SSBP2: variants seen among roughly 807,000 people sequenced by gnomAD.
The protein encoded by SSBP2 is single stranded DNA binding protein 2, also known as single-stranded DNA-binding protein 2.
Under a neutral mutation model 61.8 loss-of-function variants are expected in SSBP2, and 17 were observed. The observed-to-expected ratio is 0.28, with a 90% CI of 0.19 to 0.41. The LOEUF (loss-of-function observed/expected upper bound fraction) is 0.41, where lower values mean the gene tolerates loss of function less well. Ranked by LOEUF, SSBP2 falls within the 10% of genes least tolerant of loss-of-function variation. SSBP2 has a pLI of 1.00. For missense variants in SSBP2, 310 were observed against 458.7 expected (o/e 0.68, Z 2.96); for synonymous variants, 139 against 141.3 (o/e 0.98, Z 0.12).
At chr5:81,544,588 G>T (rs947176722) in intron 4 of SSBP2, among the ~76,000 whole-genome samples, 1 of 152,124 alleles carries the variant, frequency 6.6e-6, no homozygotes, top group Admixed American at 6.5e-5. Context: ...TGTTTAAAAG[G>T]AATCATTGTG....
At chr5:81,594,415 C>G (rs1743486585) in intron 4 of SSBP2, among the ~76,000 whole-genome samples, 1 of 152,146 alleles carries the variant, frequency 6.6e-6, no homozygotes, top group Non-Finnish European at 1.5e-5. Flanking sequence ...ACCCCACTGT[C>G]AACATTAGAC....
chr5:81,594,103 C>G (rs541530295), intron 4 of SSBP2, among the ~76,000 whole-genome samples: 1 of 152,044 alleles, frequency 6.6e-6, no homozygotes, highest in Non-Finnish European at 1.5e-5. Flanking sequence ...ACCCATCTCA[C>G]GTGAAGAGAC....
At chr5:81,583,527 G>C (rs994221047) in intron 4 of SSBP2, among the ~76,000 whole-genome samples, 1 of 151,806 alleles carries the variant, frequency 6.6e-6, no homozygotes, top group Non-Finnish European at 1.5e-5. Flanking sequence ...CTACTGGAGA[G>C]GCTGAGGCAG....
At chr5:81,572,419 T>C (rs1773905847) in intron 4 of SSBP2, among the ~76,000 whole-genome samples, 1 of 152,154 alleles carries the variant, frequency 6.6e-6, no homozygotes, top group African/African-American at 2.4e-5. Flanking sequence ...TGGAAAGGCA[T>C]GCCAAAAAAC....
chr5:81,668,222 T>G (rs927521216), intron 1 of SSBP2, among the ~76,000 whole-genome samples: 2 of 125,088 alleles, frequency 1.6e-5, no homozygotes, highest in African/African-American at 6.4e-5. Flanking sequence ...CCCAGTAGAC[T>G]TAAAGATAGA....
chr5:81,613,554 T>A (rs1343921034), intron 4 of SSBP2, among the ~76,000 whole-genome samples: 1 of 152,240 alleles, frequency 6.6e-6, no homozygotes, highest in Non-Finnish European at 1.5e-5. Context: ...AAGATCTCCA[T>A]GTTGAACAGT....
chr5:81,545,757 A>G (rs1325715867), intron 4 of SSBP2, among the ~76,000 whole-genome samples: 2 of 152,258 alleles, frequency 1.3e-5, no homozygotes, highest in Non-Finnish European at 2.9e-5. Context: ...ATTAAAAGGG[A>G]AAACTGTGTT....
In SSBP2 at chr5:81,471,910, T is replaced by C. The variant is rs76944206; in HGVS notation, c.570+1790A>G. On this transcript the variant is annotated intron_variant, in intron 8 of 16. Coordinates refer to ENST00000320672, the MANE Select transcript of SSBP2 (RefSeq NM_012446.5). ...TCAATATAGTCAATATACATAGTTA[T>C]ATGTTGGTTAGAAACAATGCATATA... Among the ~76,000 whole-genome samples the C allele has an allele frequency of 9.1e-3, 1,390 of 152,178 alleles. 20 individuals are homozygous for C. Among genetic ancestry groups the C allele is most frequent in the African/African-American group, 0.031 (1,305 of 41,538 alleles).
chr5:81,593,101 C>T (rs1039159184), intron 4 of SSBP2, among the ~76,000 whole-genome samples: 128 of 152,134 alleles, frequency 8.4e-4, no homozygotes, highest in African/African-American at 2.8e-3. Flanking sequence ...GAAAAAAAAT[C>T]AGACGAATGG....
At position 81,474,505 on chromosome 5, in the gene SSBP2, G is replaced by A; in HGVS notation, c.490C>T (p.Arg164Ter). 1.9e-6 allele frequency: 3 copies of A among 1,612,160 alleles called. No individual in the cohort carries two copies. Among genetic ancestry groups the A allele is most frequent in the South Asian group, 1.1e-5 (1 of 90,978 alleles). ...ACTTTAGAGTAGTCACCTTGTTGTC[G>A]AGTTGGATCCATTCCACTGGGGAGT... The change falls in exon 7 of 17, where the codon CGA (arginine) becomes TGA (stop). Residue 164 changes from arginine (R) to a stop codon, truncating the protein, a stop_gained. Transcript: ENST00000320672. LOFTEE classifies it high-confidence loss of function.
intron 4 of SSBP2, among the ~76,000 whole-genome samples, chr5:81,594,237 G>A (rs1234225539): frequency 6.6e-6 from 1 of 152,092 alleles, no homozygotes. Flanking sequence ...GATGAAAAGA[G>A]ACAAAGAAGG....
intron 1 of SSBP2, among the ~76,000 whole-genome samples, chr5:81,686,103 A>G (rs1752752785): frequency 6.6e-6 from 1 of 152,238 alleles, no homozygotes; most frequent in African/African-American, 2.4e-5. Flanking sequence ...TTAATTTTTA[A>G]TTGAATCCAG....
intron 12 of SSBP2, 111 bp from the exon 13 acceptor site, chr5:81,442,834 T>G: frequency 2.1e-6 from 1 of 480,256 alleles, no homozygotes; most frequent in Non-Finnish European, 3.7e-6. Context: ...CTATATAAGC[T>G]GCAACACTTG....
At chr5:81,526,579 G>C (rs980549364) in intron 4 of SSBP2, among the ~76,000 whole-genome samples, 23 of 151,796 alleles carry the variant, frequency 1.5e-4, no homozygotes, top group Admixed American at 1.5e-3. Flanking sequence ...ACATAAAATG[G>C]CTTTGAATTT....
chr5:81,433,451 C>T (rs1338338892), intron 15 of SSBP2, among the ~76,000 whole-genome samples: 2 of 151,890 alleles, frequency 1.3e-5, no homozygotes, highest in Non-Finnish European at 2.9e-5. Context: ...ATCTCAAGTA[C>T]CCAGGGACAC....
At chr5:81,508,148 C>T (rs774895141) in intron 5 of SSBP2, among the ~76,000 whole-genome samples, 43 of 152,084 alleles carry the variant, frequency 2.8e-4, no homozygotes, top group Non-Finnish European at 5.6e-4. Flanking sequence ...GTTCTGGGTA[C>T]CTACAATGGA....
intron 1 of SSBP2, among the ~76,000 whole-genome samples, chr5:81,653,325 A>G (rs968337909): frequency 6.6e-6 from 1 of 152,030 alleles, no homozygotes; most frequent in African/African-American, 2.4e-5. Context: ...TATGTGCCAC[A>G]TTTTCTTTAT....
chr5:81,519,441 C>T (rs951714346), intron 4 of SSBP2, among the ~76,000 whole-genome samples: 12 of 152,020 alleles, frequency 7.9e-5, no homozygotes, highest in Admixed American at 7.2e-4. Context: ...TATGTTTTTC[C>T]TTTCTTCTAC....
At position 81,659,253 on chromosome 5, in the gene SSBP2, A is replaced by G. The variant is rs185063391; in HGVS notation, c.63-8914T>C. Reference sequence around the variant, plus strand: ...CTCTGTTCGTAGATGACATGACTCTATATTTAGAAAACTCCAGTGTCTCAG... The same window carrying G: ...CTCTGTTCGTAGATGACATGACTCTGTATTTAGAAAACTCCAGTGTCTCAG... On this transcript the variant is annotated intron_variant, in intron 1 of 16. Coordinates refer to ENST00000320672, the MANE Select transcript of SSBP2 (RefSeq NM_012446.5). Among the ~76,000 whole-genome samples, 400 of 152,318 alleles carry G rather than the reference A, an allele frequency of 2.6e-3. 2 individuals are homozygous for G. Among genetic ancestry groups the G allele is most frequent in the Admixed American group, 4.6e-3 (71 of 15,300 alleles).
Sources: gnomAD v4.1 joint callset for allele counts (sites outside exome capture counted in the v4.1 genomes callset) on GRCh38, gnomAD v4.1.1 for gene constraint, MANE v1.5 for transcripts, NCBI Gene and HGNC (gene_info 2026-07-23, HGNC 2026-07-21) for gene names.